Variants in SSPN observed in about 807,000 individuals in gnomAD.
The protein encoded by SSPN is sarcospan.
In SSPN, 15 loss-of-function variants were observed where a neutral mutation model predicts 19.1. The observed-to-expected ratio is 0.78, with a 90% CI of 0.52 to 1.21. The LOEUF (loss-of-function observed/expected upper bound fraction) is 1.21, where lower values mean the gene tolerates loss of function less well. Among genes scored for constraint, SSPN ranks in the 50% most tolerant of loss-of-function variants. The probability of loss-of-function intolerance (pLI) is 0.00; values close to 1 mark genes in which losing one functional copy is unlikely to be tolerated. For missense variants in SSPN, 291 were observed against 314.0 expected (o/e 0.93, Z 0.55); for synonymous variants, 147 against 140.3 (o/e 1.05, Z -0.34).
chr12:26,220,699 T>C (rs1036519736), intron 1 of SSPN, among the ~76,000 whole-genome samples: 2 of 152,178 alleles, frequency 1.3e-5, no homozygotes, highest in Non-Finnish European at 2.9e-5. Context: ...TGTGTCCACG[T>C]GGGATCATCA....
chr12:26,134,851 G>GTACCATTAGAAAGTAGGT (rs1316471521), intron 1 of SSPN: 2 of 152,198 alleles, frequency 1.3e-5, no homozygotes, highest in Non-Finnish European at 2.9e-5. Context: ...TACCATGAAG[G>GTACCATTAGAAAGTAGGT]ATCATAAAAT....
In SSPN at chr12:26,208,842, C is replaced by T. The variant is rs376990940; in HGVS notation, c.279+12891C>T. Among the ~76,000 whole-genome samples the T allele has an allele frequency of 2.1e-3, 323 of 152,200 alleles. 1 individual carries two copies. The highest frequency in any genetic ancestry group is 0.017 in the South Asian group (84 of 4,828). On this transcript the variant is annotated intron_variant, in intron 1 of 2. Transcript: ENST00000242729. Reference sequence around the variant, plus strand: ...GTCCCTTTCATAGTGATCTGTTACACCCATTTATCATCTGTCAAGTTTCCA... The same window carrying T: ...GTCCCTTTCATAGTGATCTGTTACATCCATTTATCATCTGTCAAGTTTCCA...
At chr12:26,217,276 G>C (rs1313376947) in intron 1 of SSPN, among the ~76,000 whole-genome samples, 3 of 142,164 alleles carry the variant, frequency 2.1e-5, no homozygotes, top group Non-Finnish European at 3.0e-5. Flanking sequence ...AGTTCTCCTT[G>C]AAGAGGTCCT....
intron 1 of SSPN, among the ~76,000 whole-genome samples, chr12:26,128,903 T>A (rs1241112428): frequency 6.6e-6 from 1 of 152,216 alleles, no homozygotes; most frequent in African/African-American, 2.4e-5. Flanking sequence ...TTCTCCCCCC[T>A]GCCTAAATAT....
intron 1 of SSPN, among the ~76,000 whole-genome samples, chr12:26,147,533 A>G (rs1201131073): frequency 2.6e-5 from 4 of 152,198 alleles, no homozygotes; most frequent in Admixed American, 6.5e-5. Context: ...GGCCTCCCAA[A>G]GTGCTGAGAT....
At chr12:26,192,592 A>G (rs371163053), upstream of SSPN, among the ~76,000 whole-genome samples, 74 of 152,302 alleles carry the variant, frequency 4.9e-4, no homozygotes, top group African/African-American at 1.8e-3. Context: ...CATCCTCGTC[A>G]CTATCATCTT....
chr12:26,124,559 A>G (rs1393235354), intron 1 of SSPN: 1 of 1,614,086 alleles, frequency 6.2e-7, no homozygotes, highest in African/African-American at 1.3e-5. Context: ...GGGTTTACAC[A>G]TATACAAAGA....
In SSPN at chr12:26,206,987, C is replaced by T. The variant is rs557584863; in HGVS notation, c.279+11036C>T. 2.6e-4 allele frequency among the ~76,000 whole-genome samples: 39 copies of T among 152,278 alleles called. No individual in the cohort carries two copies. The South Asian group carries it at 6.4e-3, about 25-fold the overall frequency. On this transcript the variant is annotated intron_variant, in intron 1 of 2. Coordinates refer to ENST00000242729, the MANE Select transcript of SSPN (RefSeq NM_005086.5). ...TCTGGGTGAGGAAACACAGGTACAA[C>T]TAACTGCAATTTAGTTTTAAAAACA...
At chr12:26,184,203 C>A (rs1226183626) in intron 1 of SSPN, among the ~76,000 whole-genome samples, 1 of 152,146 alleles carries the variant, frequency 6.6e-6, no homozygotes, top group African/African-American at 2.4e-5. Context: ...GTAAGGAATT[C>A]CTTTTTGGGA....
chr12:26,166,669 AT>A (rs1225408966), intron 1 of SSPN, among the ~76,000 whole-genome samples: 1 of 152,254 alleles, frequency 6.6e-6, no homozygotes, highest in East Asian at 1.9e-4. Flanking sequence ...CATATACCAA[AT>A]TTTATTTGAA....
chr12:26,201,649 T>A (rs1028914954), intron 1 of SSPN, among the ~76,000 whole-genome samples: 13 of 152,134 alleles, frequency 8.5e-5, no homozygotes, highest in African/African-American at 2.4e-5. Flanking sequence ...ATATTTTTTT[T>A]AATCCTGTAT....
intron 1 of SSPN, among the ~76,000 whole-genome samples, chr12:26,167,873 T>C (rs118054620): frequency 1.4e-4 from 22 of 152,278 alleles, no homozygotes; most frequent in Admixed American, 3.9e-4. Flanking sequence ...TACTTGCCAC[T>C]CACTTACCTT....
At position 26,224,337 on chromosome 12, in the gene SSPN, A is replaced by G; in HGVS notation, c.324A>G (p.Ser108=). 1.2e-5 allele frequency: 19 copies of G among 1,614,062 alleles called. No individual in the cohort carries two copies. The highest frequency in any genetic ancestry group is 1.6e-5 in the Non-Finnish European group (19 of 1,179,950). Residue 108 remains serine, a synonymous_variant, in exon 2 of 3, where the codon TCA becomes TCG. Coordinates refer to ENST00000242729, the MANE Select transcript of SSPN (RefSeq NM_005086.5). ...AYLGLFMLCV[S]YQVDERTCIQ... is the part of the protein sequence containing the mutation. ...TTGGCTTGTTTATGCTTTGTGTCTC[A>G]TATCAGGTTGACGAACGGACATGTA...
At chr12:26,179,657 G>A (rs752701198) in intron 1 of SSPN, among the ~76,000 whole-genome samples, 2 of 152,068 alleles carry the variant, frequency 1.3e-5, no homozygotes, top group African/African-American at 2.4e-5. Context: ...CTATTTTACT[G>A]TCCCACCTTA....
intron 1 of SSPN, among the ~76,000 whole-genome samples, chr12:26,186,965 C>T (rs1014794803): frequency 6.6e-6 from 1 of 152,140 alleles, no homozygotes; most frequent in Non-Finnish European, 1.5e-5. Context: ...CTTTTTGGTT[C>T]TTTTAGCCTC....
intron 1 of SSPN, among the ~76,000 whole-genome samples, chr12:26,144,504 A>AT (rs1944478509): frequency 6.6e-6 from 1 of 152,324 alleles, no homozygotes; most frequent in East Asian, 1.9e-4. Flanking sequence ...TCCCCCTGGC[A>AT]TGGTAACATT....
intron 1 of SSPN, among the ~76,000 whole-genome samples, chr12:26,189,185 A>C (rs1944772807): frequency 6.6e-6 from 1 of 152,188 alleles, no homozygotes; most frequent in Non-Finnish European, 1.5e-5. Flanking sequence ...TTGTCATTTT[A>C]ATTATAATTT....
chr12:26,170,823 G>A (rs1273479325), intron 1 of SSPN, among the ~76,000 whole-genome samples: 1 of 152,166 alleles, frequency 6.6e-6, no homozygotes, highest in Admixed American at 6.5e-5. Flanking sequence ...GAGATTGAGA[G>A]GAACAGCTTT....
chr12:26,216,438 A>G lies in SSPN; in HGVS notation c.280-7855A>G, dbSNP rs574066775. 2.4e-4 allele frequency among the ~76,000 whole-genome samples: 35 copies of G among 145,174 alleles called. No individual in the cohort carries two copies. The East Asian group carries it at 6.8e-3, about 28-fold the overall frequency. ...ATGGGGTTGTTTGTTTTTTTCTTAT[A>G]AATTTGTTTGAGTTCATTGTAGATT... On this transcript the variant is annotated intron_variant, in intron 1 of 2. Coordinates refer to ENST00000242729, the MANE Select transcript of SSPN (RefSeq NM_005086.5).
Sources: gnomAD v4.1 joint callset for allele counts (sites outside exome capture counted in the v4.1 genomes callset) on GRCh38, gnomAD v4.1.1 for gene constraint, MANE v1.5 for transcripts, NCBI Gene and HGNC (gene_info 2026-07-23, HGNC 2026-07-21) for gene names.